BTK: variants seen among roughly 807,000 people sequenced by gnomAD.
BTK encodes tyrosine-protein kinase BTK.
Under a neutral mutation model 57.4 loss-of-function variants are expected in BTK, and 5 were observed. The observed-to-expected ratio is 0.09, with a 90% CI of 0.05 to 0.18. The LOEUF is 0.18. BTK is among the 10% of genes least tolerant of loss of function. The pLI is 1.00. For missense variants in BTK, 194 were observed against 501.2 expected (o/e 0.39, Z 5.85); for synonymous variants, 154 against 174.3 (o/e 0.88, Z 0.92).
chrX:101,388,496 G>A (rs1927686886), upstream of BTK, among the ~76,000 whole-genome samples: 1 of 111,957 alleles, frequency 8.9e-6, no homozygotes, highest in African/African-American at 3.2e-5. Context: ...TCATCTTTGA[G>A]GAAAATATAA....
chrX:101,360,852 A>G, intron 7 of BTK, 97 bp from the exon 8 acceptor site: 2 of 852,430 alleles, frequency 2.3e-6, no homozygotes, highest in East Asian at 3.1e-5. Context: ...CACCCAAATC[A>G]GGCATACTAA....
At chrX:101,379,033 G>C (rs980947899) in intron 1 of BTK, among the ~76,000 whole-genome samples, 2 of 108,971 alleles carry the variant, frequency 1.8e-5, no homozygotes, top group African/African-American at 6.7e-5. Flanking sequence ...AATTAGCCGG[G>C]CGTGGTGACA....
chrX:101,387,401 G>A (rs1890339764), upstream of BTK, among the ~76,000 whole-genome samples: 1 of 99,660 alleles, frequency 1.0e-5, no homozygotes, highest in African/African-American at 3.8e-5. Context: ...GCCCAGGTTG[G>A]AGTGCAGTGG....
upstream of BTK, among the ~76,000 whole-genome samples, chrX:101,387,057 C>A (rs909954323): frequency 3.6e-5 from 4 of 111,984 alleles, no homozygotes; most frequent in Admixed American, 1.9e-4. Context: ...CACCTTGACA[C>A]CTCGGGCACT....
chrX:101,368,891 A>T (rs782572638), intron 5 of BTK, among the ~76,000 whole-genome samples: 1 of 112,143 alleles, frequency 8.9e-6, no homozygotes, highest in Admixed American at 9.5e-5. Flanking sequence ...GCCAGTGAGT[A>T]TCAGAATCTA....
intron 14 of BTK, chrX:101,356,499 G>A (rs1186136410): frequency 6.7e-6 from 3 of 447,121 alleles, no homozygotes; most frequent in East Asian, 3.7e-5. Context: ...ATGAAAGAAC[G>A]CTAAGGCTAA....
Position 101,360,705 on chromosome X carries a change from T to G in BTK, c.639A>C (p.Thr213=), listed in dbSNP as rs782089258. Residue 213 remains threonine, a synonymous_variant, in exon 8 of 19, where the codon ACA becomes ACC. Transcript: ENST00000308731. ...GGGCCACAACCTTTTTCAGCTCACT[T>G]GTGGAGACTGGTGCTGCTGCTGGCT... ...PPEPAAAPVS[T]SELKKVVALY... 3.3e-6 allele frequency: 4 copies of G among 1,211,759 alleles called. No individual in the cohort carries two copies. Among genetic ancestry groups the G allele is most frequent in the Non-Finnish European group, 4.5e-6 (4 of 895,524 alleles).
rs1468544899 is a variant in BTK, at chrX:101,360,608, C to G, written c.736G>C (p.Glu246Gln). ...GCTCTCCACCATGGTAAGTTGCTTTCCTCCAAGATAAAATATTCATCACCC... is the reference window on the plus strand; with the variant it reads ...GCTCTCCACCATGGTAAGTTGCTTTGCTCCAAGATAAAATATTCATCACCC... The part of the protein sequence containing the change: ...RKGDEYFILE[E>Q]SNLPWWRARD... Residue 246 changes from glutamate to glutamine, a missense_variant, in exon 8 of 19, where the codon GAA becomes CAA. Coordinates refer to ENST00000308731, the MANE Select transcript of BTK (RefSeq NM_000061.3). 10 of 1,209,857 alleles carry G rather than the reference C, an allele frequency of 8.3e-6. No individual in the cohort carries two copies. Among genetic ancestry groups the G allele is most frequent in the Non-Finnish European group, 1.1e-5 (10 of 895,245 alleles).
intron 3 of BTK, among the ~76,000 whole-genome samples, chrX:101,372,740 C>G (rs782061252): frequency 7.4e-5 from 8 of 108,279 alleles, no homozygotes; most frequent in Non-Finnish European, 1.9e-5. Context: ...CCACCACGCC[C>G]CACCTGAAAT....
intron 6 of BTK, 63 bp downstream of exon 6, chrX:101,362,498 A>C (rs1926705886): frequency 5.8e-6 from 7 of 1,202,155 alleles, no homozygotes; most frequent in Non-Finnish European, 7.9e-6. Context: ...GGCTTGACAG[A>C]CCCTTGGGAG....
chrX:101,371,765 G>T (rs1242107040), intron 3 of BTK, 64 bp from the exon 4 acceptor site: 39 of 949,657 alleles, frequency 4.1e-5, no homozygotes, highest in Non-Finnish European at 5.2e-5. Context: ...ATTTCCTTAG[G>T]TACTAGAAGC....
At chrX:101,377,959 A>C (rs1359719524) in intron 1 of BTK, 2 of 110,559 alleles carry the variant, frequency 1.8e-5, no homozygotes, top group Non-Finnish European at 3.8e-5. Flanking sequence ...TCCATCACTC[A>C]ATAATGTGAA....
chrX:101,356,599 A>T, intron 14 of BTK, 185 bp downstream of exon 14: 1 of 513,343 alleles, frequency 1.9e-6, no homozygotes, highest in Non-Finnish European at 3.3e-6. Context: ...CACTATTCTC[A>T]ACCAATATCT....
At chrX:101,350,813 C>T (rs1926263265) in intron 18 of BTK, among the ~76,000 whole-genome samples, 1 of 111,475 alleles carries the variant, frequency 9.0e-6, no homozygotes, top group African/African-American at 3.3e-5. Context: ...TTTAGTGGTT[C>T]AGGGAACATT....
intron 4 of BTK, 56 bp from the exon 5 acceptor site, chrX:101,370,135 A>T (rs1555980072): frequency 2.1e-6 from 2 of 936,829 alleles, no homozygotes; most frequent in Admixed American, 4.4e-5. Context: ...AAGGAGAAAG[A>T]CCTTGAAAGT....
At chrX:101,363,719 AAAAAG>A (rs1926746047) in intron 5 of BTK, among the ~76,000 whole-genome samples, 1 of 108,227 alleles carries the variant, frequency 9.2e-6, no homozygotes, top group Non-Finnish European at 1.9e-5. Context: ...AAAAAAAAAA[AAAAAG>A]AAAAGTCATC....
intron 8 of BTK, 148 bp from the exon 9 acceptor site, chrX:101,360,298 T>C: frequency 3.7e-6 from 2 of 543,221 alleles, no homozygotes. Flanking sequence ...ATGTCTCTGA[T>C]GCATGGTTAG....
rs781792640 is a variant in BTK, at chrX:101,356,231, C to T, written c.1387G>A (p.Val463Ile). Residue 463 changes from valine (V) to isoleucine (I), a missense_variant, in exon 15 of 19, where the codon GTC becomes ATC. Val to Ile is a conservative substitution (Grantham distance 29, BLOSUM62 3). Around this residue, in one of 3 missense-constraint regions of BTK, gnomAD observed 79 missense variants for 217.7 expected, o/e 0.36. Transcript: ENST00000308731. ...AAGATGGGGCGCTGCTTGGTGCAGA[C>T]GCCATACAACTGCACCAGCTTCTCA... ...SHEKLVQLYG[V>I]CTKQRPIFII... 6 of 1,211,281 alleles carry T rather than the reference C, an allele frequency of 5.0e-6. No homozygotes were observed. The highest frequency in any genetic ancestry group is 6.7e-6 in the Non-Finnish European group (6 of 895,267).
At chrX:101,364,747 AT>A (rs1396681649) in intron 5 of BTK, among the ~76,000 whole-genome samples, 33 of 104,204 alleles carry the variant, frequency 3.2e-4, no homozygotes, top group Middle Eastern at 4.8e-3. Flanking sequence ...CATAGAGGGA[AT>A]TTTTTTTTTT....
Sources: gnomAD v4.1 joint callset for allele counts (sites outside exome capture counted in the v4.1 genomes callset) on GRCh38, gnomAD v4.1.1 for gene constraint, gnomAD v4.1.1 regional missense constraint, MANE v1.5 for transcripts, NCBI Gene and HGNC (gene_info 2026-07-23, HGNC 2026-07-21) for gene names.